DNAJC1: variants seen among roughly 807,000 people sequenced by gnomAD.
DNAJC1 encodes dnaJ homolog subfamily C member 1.
Under a neutral mutation model 76.6 loss-of-function variants are expected in DNAJC1, and 58 were observed. The observed-to-expected ratio is 0.76, with a 90% CI of 0.61 to 0.94. The LOEUF (loss-of-function observed/expected upper bound fraction) is 0.94. Among genes scored for constraint, DNAJC1 ranks in the 40% least tolerant of loss-of-function variants. The pLI is 0.00. For missense variants in DNAJC1, 689 were observed against 677.3 expected, an observed-to-expected ratio of 1.02 and a Z score of -0.19; for synonymous variants, 258 against 267.9, an observed-to-expected ratio of 0.96 and a Z score of 0.36.
At chr10:21,926,195 G>A (rs1175588011) in intron 3 of DNAJC1, among the ~76,000 whole-genome samples, 1 of 150,938 alleles carries the variant, frequency 6.6e-6, no homozygotes, top group Non-Finnish European at 1.5e-5. Flanking sequence ...CAAGGGATCT[G>A]CCCTCCTCAG....
chr10:21,813,488 C>A (rs923277528), intron 8 of DNAJC1, among the ~76,000 whole-genome samples: 13 of 151,494 alleles, frequency 8.6e-5, no homozygotes, highest in African/African-American at 3.2e-4. Flanking sequence ...CTCTGCCTCC[C>A]GGGTTCACAC....
At chr10:21,958,968 T>C (rs1028173982) in intron 1 of DNAJC1, among the ~76,000 whole-genome samples, 9 of 152,294 alleles carry the variant, frequency 5.9e-5, no homozygotes, top group South Asian at 2.1e-4. Flanking sequence ...TACCAGTTTA[T>C]GCTCTTTTAA....
At chr10:21,992,265 C>T (rs1202607073) in intron 1 of DNAJC1, among the ~76,000 whole-genome samples, 1 of 152,108 alleles carries the variant, frequency 6.6e-6, no homozygotes, top group African/African-American at 2.4e-5. Context: ...GATCTGAGAT[C>T]GTGCCATCGC....
intron 8 of DNAJC1, among the ~76,000 whole-genome samples, chr10:21,815,756 T>G (rs1341639229): frequency 6.6e-6 from 1 of 151,990 alleles, no homozygotes; most frequent in African/African-American, 2.4e-5. Context: ...CATTTTCTTT[T>G]TTTTTTTGAG....
intron 6 of DNAJC1, among the ~76,000 whole-genome samples, chr10:21,916,037 A>G (rs1385610166): frequency 6.6e-6 from 1 of 152,152 alleles, no homozygotes; most frequent in African/African-American, 2.4e-5. Flanking sequence ...TCAGAAAGCC[A>G]ATTATGAAAG....
At chr10:21,809,741 T>C (rs1039560437) in intron 8 of DNAJC1, among the ~76,000 whole-genome samples, 10 of 152,166 alleles carry the variant, frequency 6.6e-5, no homozygotes, top group Non-Finnish European at 1.0e-4. Context: ...TTCAGCTATA[T>C]AATTTTCCTT....
chr10:21,756,828 G>A, intron 11 of DNAJC1, 73 bp from the exon 12 acceptor site: 1 of 1,391,472 alleles, frequency 7.2e-7, no homozygotes, highest in South Asian at 1.2e-5. Context: ...TGGCCGGTCT[G>A]CTGGCTTCTG....
At chr10:21,891,644 A>C (rs921089219) in intron 7 of DNAJC1, among the ~76,000 whole-genome samples, 13 of 152,162 alleles carry the variant, frequency 8.5e-5, no homozygotes, top group Non-Finnish European at 1.6e-4. Context: ...TAGAGGCCAG[A>C]AGGAAGTGGC....
chr10:21,978,425 A>C (rs1244220403), intron 1 of DNAJC1, among the ~76,000 whole-genome samples: 3 of 152,190 alleles, frequency 2.0e-5, no homozygotes, highest in African/African-American at 4.8e-5. Context: ...AGATTGGCTC[A>C]GAACCTAGTA....
intron 8 of DNAJC1, among the ~76,000 whole-genome samples, chr10:21,842,311 C>T (rs753959256): frequency 1.7e-4 from 26 of 150,380 alleles, no homozygotes; most frequent in Admixed American, 4.6e-4. Context: ...AGGATAATAG[C>T]GAAGAAAGTA....
intron 8 of DNAJC1, among the ~76,000 whole-genome samples, chr10:21,837,775 G>T (rs1361150546): frequency 1.4e-5 from 2 of 147,714 alleles, no homozygotes; most frequent in Admixed American, 1.3e-4. Flanking sequence ...GTCCAGGAGG[G>T]AGGTAGGGGG....
intron 8 of DNAJC1, among the ~76,000 whole-genome samples, chr10:21,848,529 C>G (rs527892899): frequency 2.9e-4 from 44 of 152,262 alleles, no homozygotes; most frequent in African/African-American, 9.4e-4. Flanking sequence ...GACCAATGTC[C>G]TGAAGTATTT....
chr10:21,941,095 CAAAAAA>C (rs1208799870), intron 1 of DNAJC1, among the ~76,000 whole-genome samples: 4 of 39,180 alleles, frequency 1.0e-4, no homozygotes, highest in African/African-American at 1.7e-4. Flanking sequence ...ACTAAAAATA[CAAAAAA>C]AAAAAAAAAA....
chr10:21,920,999 TTAAAA>T (rs755276804), intron 3 of DNAJC1, 36 bp from the exon 4 acceptor site: 4 of 1,486,666 alleles, frequency 2.7e-6, no homozygotes, highest in Middle Eastern at 1.8e-4. Context: ...CACGGGGAGT[TTAAAA>T]TAAAAACAAA....
chr10:21,756,883 G>C, intron 11 of DNAJC1, 128 bp from the exon 12 acceptor site: 1 of 815,024 alleles, frequency 1.2e-6, no homozygotes, highest in Non-Finnish European at 2.0e-6. Context: ...AGAGTTCCCG[G>C]GATGTCCTGG....
At chr10:21,958,242 T>C (rs1025080269) in intron 1 of DNAJC1, among the ~76,000 whole-genome samples, 1 of 152,218 alleles carries the variant, frequency 6.6e-6, no homozygotes, top group African/African-American at 2.4e-5. Flanking sequence ...GTTTTTTTCT[T>C]TCTTTCTGGT....
chr10:21,759,509 C>T lies in DNAJC1; in HGVS notation c.1257G>A (p.Gly419=). The change falls in exon 11 of 12, where the codon GGG becomes GGA. Residue 419 remains glycine, a synonymous_variant. Transcript: ENST00000376980. ...DMITQREDAE[G]VAAEEEQEGD... ...CCTCCTGCTCCTCCTCCGCTGCCACCCCCTCTGCGTCCTCTCGCTGGGTGA... is the reference window on the plus strand; with the variant it reads ...CCTCCTGCTCCTCCTCCGCTGCCACTCCCTCTGCGTCCTCTCGCTGGGTGA... 3 of 1,614,196 alleles carry T rather than the reference C, an allele frequency of 1.9e-6. No homozygotes were observed. The highest frequency in any genetic ancestry group is 2.5e-6 in the Non-Finnish European group (3 of 1,180,042).
Position 22,003,555 on chromosome 10 carries a change from G to A in DNAJC1, c.-121C>T. 2 of 1,187,516 alleles carry A rather than the reference G, an allele frequency of 1.7e-6. No individual in the cohort carries two copies. The highest frequency in any genetic ancestry group is 3.0e-5 in the South Asian group (1 of 33,198). The allele number at this position is 1,187,516 out of a possible 1,614,324, so 73.6% of individuals were successfully genotyped here. ...AGTGAAAAGCGCGGGCAGGCGCACC[G>A]GAGCGGCCCGCCAGGTGGCTGGCCC... On this transcript the variant is annotated 5_prime_UTR_variant, in exon 1 of 12. Transcript: ENST00000376980.
At chr10:21,972,690 A>C (rs1838000381) in intron 1 of DNAJC1, among the ~76,000 whole-genome samples, 1 of 152,084 alleles carries the variant, frequency 6.6e-6, no homozygotes, top group African/African-American at 2.4e-5. Flanking sequence ...TACTTGTTCT[A>C]AATGAGTGAT....
Sources: gnomAD v4.1 joint callset for allele counts (sites outside exome capture counted in the v4.1 genomes callset) on GRCh38, gnomAD v4.1.1 for gene constraint, MANE v1.5 for transcripts, NCBI Gene and HGNC (gene_info 2026-07-23, HGNC 2026-07-21) for gene names.